The following AIDA variants were observed in gnomAD, a reference collection of about 807,000 sequenced individuals.
AIDA encodes the protein axin interactor, dorsalization-associated protein.
AIDA carries 18 observed loss-of-function variants against 42.7 expected under a neutral mutation model. The ratio of observed to expected loss-of-function variants is 0.42; its 90% CI spans 0.29 to 0.63. The LOEUF is 0.63. Ranked by LOEUF, AIDA falls within the 20% of genes least tolerant of loss-of-function variation. The pLI is 0.19. For synonymous variants in AIDA, 104 were observed against 122.9 expected (o/e 0.85, Z 1.02); for missense variants, 250 against 354.1 (o/e 0.71, Z 2.36).
At chr1:222,670,459 T>TCC (rs1388892733) in intron 8 of AIDA, among the ~76,000 whole-genome samples, 1 of 152,222 alleles carries the variant, frequency 6.6e-6, no homozygotes, top group Non-Finnish European at 1.5e-5. Context: ...TTTCTCCTTA[T>TCC]CATCCAATTC....
intron 6 of AIDA, among the ~76,000 whole-genome samples, chr1:222,683,531 G>A (rs974513539): frequency 9.9e-5 from 15 of 152,164 alleles, no homozygotes; most frequent in Non-Finnish European, 1.3e-4. Context: ...ATAAGCCTAC[G>A]TAAGAGATGA....
At chr1:222,670,943 G>A (rs904995355) in intron 8 of AIDA, among the ~76,000 whole-genome samples, 1 of 152,174 alleles carries the variant, frequency 6.6e-6, no homozygotes, top group Non-Finnish European at 1.5e-5. Flanking sequence ...TTCTGGCCGG[G>A]TGCGGTGGCT....
At chr1:222,692,805 A>G (rs1290095193) in intron 4 of AIDA, among the ~76,000 whole-genome samples, 1 of 152,246 alleles carries the variant, frequency 6.6e-6, no homozygotes, top group Non-Finnish European at 1.5e-5. Flanking sequence ...TTACAGGGTC[A>G]TGAAGAGATA....
rs1194732274 is a variant in AIDA, at chr1:222,706,937, C to CA, written c.111-3721dup. ...TCTGGAAAAGACAGATCTATAGAGA[C>CA]AAAATGTAGATCAGTGGTAGTCTGT... On this transcript the variant is annotated intron_variant, in intron 1 of 9. Transcript: ENST00000340020. Among the ~76,000 whole-genome samples the CA allele has an allele frequency of 4.0e-5, 6 of 149,694 alleles. No homozygotes were observed. In the East Asian group the frequency reaches 7.9e-4, roughly 20 times the overall value.
chr1:222,684,219 C>T (rs1379847487), intron 6 of AIDA, among the ~76,000 whole-genome samples: 1 of 151,960 alleles, frequency 6.6e-6, no homozygotes, highest in Non-Finnish European at 1.5e-5. Flanking sequence ...TCCAGCAATT[C>T]TCCTGCCTCA....
chr1:222,683,200 T>G (rs1045579743), intron 6 of AIDA, among the ~76,000 whole-genome samples: 36 of 152,198 alleles, frequency 2.4e-4, no homozygotes, highest in Admixed American at 2.4e-3. Flanking sequence ...TGATTAAAGT[T>G]GTTTGTAAAC....
intron 8 of AIDA, among the ~76,000 whole-genome samples, chr1:222,673,044 A>G (rs1334275142): frequency 6.6e-6 from 1 of 152,196 alleles, no homozygotes; most frequent in East Asian, 1.9e-4. Context: ...CCAGCCCTTT[A>G]GTGTGTGAAA....
chr1:222,677,823 A>G (rs1271817165), intron 6 of AIDA, among the ~76,000 whole-genome samples: 2 of 152,088 alleles, frequency 1.3e-5, no homozygotes, highest in South Asian at 4.1e-4. Flanking sequence ...CTATTTATTC[A>G]GCCAATCTTC....
chr1:222,675,064 T>C (rs1664520276), intron 7 of AIDA, among the ~76,000 whole-genome samples: 1 of 152,224 alleles, frequency 6.6e-6, no homozygotes, highest in East Asian at 1.9e-4. Flanking sequence ...GCATTAATGC[T>C]GTGGATCACG....
At chr1:222,689,508 T>C (rs1192711956) in intron 4 of AIDA, among the ~76,000 whole-genome samples, 1 of 67,036 alleles carries the variant, frequency 1.5e-5, no homozygotes, top group Non-Finnish European at 3.0e-5. Flanking sequence ...TATATATATA[T>C]ATATATATAT....
chr1:222,693,845 TA>T lies in AIDA; in HGVS notation c.235-3del. On this transcript the variant is annotated splice_region_variant and splice_polypyrimidine_tract_variant and intron_variant, in intron 3 of 9. Coordinates refer to ENST00000340020, the MANE Select transcript of AIDA (RefSeq NM_022831.4). ...AAATTCTTCTTGAGACTGTGTGGAC[TA>T]AATTTAAAATAAGCATATTACATCT... 1 of 1,606,062 alleles carries T rather than the reference TA, an allele frequency of 6.2e-7. No homozygotes were observed. Among genetic ancestry groups the T allele is most frequent in the Non-Finnish European group, 8.5e-7 (1 of 1,174,114 alleles).
intron 5 of AIDA, 134 bp downstream of exon 5, chr1:222,687,461 A>C (rs2124957004): frequency 1.3e-6 from 1 of 757,536 alleles, no homozygotes; most frequent in African/African-American, 1.8e-5. Context: ...ATAAAATAAA[A>C]TGCTGATATA....
chr1:222,679,981 C>A (rs1664624995), intron 6 of AIDA, among the ~76,000 whole-genome samples: 1 of 152,202 alleles, frequency 6.6e-6, no homozygotes, highest in African/African-American at 2.4e-5. Flanking sequence ...TCTGTGGAAT[C>A]CCAGGGTGTC....
chr1:222,686,308 T>C (rs892205321), intron 6 of AIDA, among the ~76,000 whole-genome samples: 8 of 152,216 alleles, frequency 5.3e-5, no homozygotes, highest in African/African-American at 1.9e-4. Flanking sequence ...TGGGGAGGGT[T>C]CCCACCATTC....
chr1:222,675,989 T>C, intron 7 of AIDA, 107 bp downstream of exon 7: 1 of 1,274,828 alleles, frequency 7.8e-7, no homozygotes, highest in Non-Finnish European at 1.0e-6. Flanking sequence ...AAATGAGTTG[T>C]CACATACATA....
intron 7 of AIDA, among the ~76,000 whole-genome samples, chr1:222,673,929 CA>C (rs990382208): frequency 1.3e-5 from 2 of 151,472 alleles, no homozygotes; most frequent in East Asian, 1.9e-4. Context: ...ACTAAAAATA[CA>C]AAAAAAATTA....
Position 222,670,004 on chromosome 1 carries a change from G to C in AIDA, c.825-15C>G. 1 of 1,613,786 alleles carries C rather than the reference G, an allele frequency of 6.2e-7. No individual in the cohort carries two copies. Among genetic ancestry groups the C allele is most frequent in the Non-Finnish European group, 8.5e-7 (1 of 1,179,892 alleles). ...GTTTCTTGTATCTGTAATCACAACAGAAAGACCATTGTTTAAAATACATTG... is the reference window on the plus strand; with the variant it reads ...GTTTCTTGTATCTGTAATCACAACACAAAGACCATTGTTTAAAATACATTG... On this transcript the variant is annotated splice_polypyrimidine_tract_variant and intron_variant, in intron 9 of 9. Coordinates refer to ENST00000340020, the MANE Select transcript of AIDA (RefSeq NM_022831.4).
In AIDA at chr1:222,673,255, C is replaced by T. The variant is rs1164058469; in HGVS notation, c.706+58G>A. 2.0e-6 allele frequency: 3 copies of T among 1,502,474 alleles called. No homozygotes were observed. In the South Asian group the frequency reaches 4.1e-5, roughly 21 times the overall value. 93.1% of individuals were successfully genotyped at this position (1,502,474 alleles called of 1,614,324 possible). On this transcript the variant is annotated intron_variant, in intron 8 of 9. Coordinates refer to ENST00000340020, the MANE Select transcript of AIDA (RefSeq NM_022831.4). ...ATGCTAGGTCCACCATATGTACAAACACAAATAAGATGAGAATTCTGTCCA... is the reference window on the plus strand; with the variant it reads ...ATGCTAGGTCCACCATATGTACAAATACAAATAAGATGAGAATTCTGTCCA...
chr1:222,704,307 A>T (rs1484843058), intron 1 of AIDA, among the ~76,000 whole-genome samples: 4 of 152,242 alleles, frequency 2.6e-5, no homozygotes, highest in Admixed American at 2.6e-4. Context: ...TGTATGACCC[A>T]GCAATTTCAA....
Sources: allele counts gnomAD v4.1 joint callset (sites outside exome capture counted in the v4.1 genomes callset), GRCh38; gene constraint gnomAD v4.1.1; transcripts MANE v1.5; gene names NCBI Gene and HGNC (gene_info 2026-07-23, HGNC 2026-07-21).